Variants in PGGT1B observed in about 807,000 individuals in gnomAD.
PGGT1B encodes protein geranylgeranyltransferase type I subunit beta, also known as geranylgeranyl transferase type-1 subunit beta.
In PGGT1B, 30 loss-of-function variants were observed where a neutral mutation model predicts 46.1. The ratio of observed to expected loss-of-function variants is 0.65; its 90% confidence interval spans 0.49 to 0.88. The LOEUF (loss-of-function observed/expected upper bound fraction) is 0.88, where lower values mean the gene tolerates loss of function less well. PGGT1B is among the 40% of genes least tolerant of loss of function. The pLI is 0.00. For missense variants in PGGT1B, 376 were observed against 455.9 expected (o/e 0.82, Z 1.60); for synonymous variants, 170 against 160.0 (o/e 1.06, Z -0.47).
intron 5 of PGGT1B, among the ~76,000 whole-genome samples, chr5:115,234,840 T>C (rs887827433): frequency 6.6e-6 from 1 of 152,008 alleles, no homozygotes; most frequent in African/African-American, 2.4e-5. Context: ...TTTTAATATA[T>C]AGACATATAA....
At chr5:115,235,620 A>G (rs2127009539) in intron 5 of PGGT1B, among the ~76,000 whole-genome samples, 1 of 152,202 alleles carries the variant, frequency 6.6e-6, no homozygotes, top group African/African-American at 2.4e-5. Flanking sequence ...AAAAATTCTT[A>G]TCACCCACCC....
intron 1 of PGGT1B, among the ~76,000 whole-genome samples, chr5:115,258,487 C>T (rs1475629351): frequency 6.6e-6 from 1 of 152,198 alleles, no homozygotes; most frequent in East Asian, 1.9e-4. Context: ...GCACACAAAG[C>T]TTTCCATGAT....
At chr5:115,235,790 T>C (rs531841200) in intron 5 of PGGT1B, among the ~76,000 whole-genome samples, 32 of 152,088 alleles carry the variant, frequency 2.1e-4, no homozygotes, top group Non-Finnish European at 4.0e-4. Context: ...TCTTAGGAAC[T>C]CACAGGCATT....
intron 5 of PGGT1B, among the ~76,000 whole-genome samples, chr5:115,233,496 A>T (rs2127007021): frequency 6.6e-6 from 1 of 151,696 alleles, no homozygotes; most frequent in Admixed American, 6.6e-5. Flanking sequence ...TCAGGCAAAA[A>T]AATAAGAACA....
At chr5:115,225,749 A>C (rs1470088736) in intron 6 of PGGT1B, among the ~76,000 whole-genome samples, 5 of 151,392 alleles carry the variant, frequency 3.3e-5, no homozygotes, top group Admixed American at 1.3e-4. Context: ...GGGTTCAAAC[A>C]ATTCTTGTGC....
At chr5:115,236,369 A>T in intron 5 of PGGT1B, 21 bp downstream of exon 5, 4 of 1,581,190 alleles carry the variant, frequency 2.5e-6, no homozygotes, top group Non-Finnish European at 3.4e-6. Flanking sequence ...CTAAATAGTC[A>T]ATTTTATCAA....
intron 2 of PGGT1B, among the ~76,000 whole-genome samples, chr5:115,247,032 A>C (rs1747883260): frequency 6.6e-6 from 1 of 152,192 alleles, no homozygotes; most frequent in South Asian, 2.1e-4. Flanking sequence ...TATAGTTATC[A>C]ACTATAAGGA....
Position 115,207,648 on chromosome 5 carries a change from G to A in PGGT1B, c.*4754C>T, listed in dbSNP as rs186355591. The A allele has an allele frequency of 1.2e-3, 185 of 152,060 alleles. No individual in the cohort carries two copies. The highest frequency in any genetic ancestry group is 4.4e-3 in the African/African-American group (181 of 41,522). 9.4% of individuals were successfully genotyped at this position (152,060 alleles called of 1,614,324 possible). ...ATTTTTATGTAAATTGTATTTAATAGCTACTTTACTAAGTTCTTTTATTGT... is the reference window on the plus strand; with the variant it reads ...ATTTTTATGTAAATTGTATTTAATAACTACTTTACTAAGTTCTTTTATTGT... On this transcript the variant is annotated 3_prime_UTR_variant, in exon 9 of 9. Transcript: ENST00000419445.
At chr5:115,215,038 G>C (rs991544796) in intron 8 of PGGT1B, among the ~76,000 whole-genome samples, 1 of 152,120 alleles carries the variant, frequency 6.6e-6, no homozygotes, top group Non-Finnish European at 1.5e-5. Flanking sequence ...TCGCTCTGTC[G>C]CCCAGGCTGG....
intron 2 of PGGT1B, 106 bp downstream of exon 2, chr5:115,253,031 A>G: frequency 1.0e-6 from 1 of 958,750 alleles, no homozygotes; most frequent in East Asian, 2.7e-5. Context: ...TCACAGATAA[A>G]TAAAATATGT....
intron 1 of PGGT1B, 53 bp from the exon 2 acceptor site, chr5:115,253,308 G>A (rs1748183377): frequency 7.3e-7 from 1 of 1,371,828 alleles, no homozygotes; most frequent in Non-Finnish European, 1.0e-6. Context: ...ACTTAAGTCT[G>A]AAGTCTTCCT....
At chr5:115,241,745 T>C (rs969364798) in intron 2 of PGGT1B, 139 bp from the exon 3 acceptor site, 2 of 546,672 alleles carry the variant, frequency 3.7e-6, no homozygotes, top group Non-Finnish European at 3.2e-6. Flanking sequence ...ATGCTTACCA[T>C]GTGCCAGGTC....
intron 2 of PGGT1B, among the ~76,000 whole-genome samples, chr5:115,245,861 T>TA (rs1254843727): frequency 6.6e-6 from 1 of 152,182 alleles, no homozygotes; most frequent in Non-Finnish European, 1.5e-5. Flanking sequence ...TGAAACTGGA[T>TA]AAAGAAGTTT....
intron 7 of PGGT1B, among the ~76,000 whole-genome samples, chr5:115,219,172 A>G (rs1160935525): frequency 6.6e-6 from 1 of 151,924 alleles, no homozygotes; most frequent in African/African-American, 2.4e-5. Context: ...AAAAGTTGGA[A>G]GTCTCAAACT....
At chr5:115,245,603 C>T (rs1019156330) in intron 2 of PGGT1B, among the ~76,000 whole-genome samples, 1 of 152,142 alleles carries the variant, frequency 6.6e-6, no homozygotes, top group Non-Finnish European at 1.5e-5. Flanking sequence ...TGAAACAAGG[C>T]TTAATAAACA....
intron 1 of PGGT1B, among the ~76,000 whole-genome samples, chr5:115,255,264 C>T (rs1015261747): frequency 6.6e-6 from 1 of 152,110 alleles, no homozygotes; most frequent in Admixed American, 6.6e-5. Context: ...TAACCATTTT[C>T]CCCAGAGGAA....
chr5:115,241,691 A>G, intron 2 of PGGT1B, 85 bp from the exon 3 acceptor site: 2 of 970,740 alleles, frequency 2.1e-6, no homozygotes, highest in Non-Finnish European at 3.1e-6. Flanking sequence ...AATCTTTCAG[A>G]AACAGACTAT....
chr5:115,230,462 C>G (rs1292335887), intron 6 of PGGT1B, among the ~76,000 whole-genome samples: 2 of 151,988 alleles, frequency 1.3e-5, no homozygotes, highest in Non-Finnish European at 2.9e-5. Flanking sequence ...CATCATTATT[C>G]TAGTTCTGCC....
chr5:115,259,328 A>G (rs1748451832), intron 1 of PGGT1B, among the ~76,000 whole-genome samples: 1 of 152,240 alleles, frequency 6.6e-6, no homozygotes, highest in African/African-American at 2.4e-5. Context: ...TTGAAAGCAC[A>G]TACAAGCCAT....
Sources: allele counts gnomAD v4.1 joint callset (sites outside exome capture counted in the v4.1 genomes callset), GRCh38; gene constraint gnomAD v4.1.1; transcripts MANE v1.5; gene names NCBI Gene and HGNC (gene_info 2026-07-23, HGNC 2026-07-21).